Variants in WDR70 observed in about 807,000 individuals in gnomAD.
WDR70 encodes the protein WD repeat domain 70.
In WDR70, 53 loss-of-function variants were observed where a neutral mutation model predicts 88.6. The ratio of observed to expected loss-of-function variants is 0.60; its 90% confidence interval spans 0.48 to 0.75. The LOEUF (loss-of-function observed/expected upper bound fraction) is 0.75, where lower values mean the gene tolerates loss of function less well. WDR70 is among the 30% of genes least tolerant of loss of function. The probability of loss-of-function intolerance (pLI) is 0.00; values close to 1 mark genes in which losing one functional copy is unlikely to be tolerated. For missense variants in WDR70, 610 were observed against 823.2 expected (o/e 0.74, Z 3.17); for synonymous variants, 280 against 270.0 (o/e 1.04, Z -0.36).
intron 7 of WDR70, among the ~76,000 whole-genome samples, chr5:37,470,136 C>CAAAAACA (rs1554141689): frequency 8.6e-6 from 1 of 115,730 alleles, no homozygotes; most frequent in African/African-American, 2.5e-5. Context: ...AAAACAAAAA[C>CAAAAACA]AAAAAAAAAC....
chr5:37,457,516 C>T (rs1047696697), intron 7 of WDR70, among the ~76,000 whole-genome samples: 3 of 152,176 alleles, frequency 2.0e-5, no homozygotes, highest in Non-Finnish European at 4.4e-5. Context: ...TTGGCATTCT[C>T]TTCCAAATTA....
intron 10 of WDR70, among the ~76,000 whole-genome samples, chr5:37,695,559 G>A (rs1404357094): frequency 6.6e-6 from 1 of 152,156 alleles, no homozygotes; most frequent in African/African-American, 2.4e-5. Flanking sequence ...AAGCTCATTG[G>A]TTGTTGGCAG....
At chr5:37,389,209 C>T (rs1748729294) in intron 3 of WDR70, among the ~76,000 whole-genome samples, 1 of 151,054 alleles carries the variant, frequency 6.6e-6, no homozygotes, top group Non-Finnish European at 1.5e-5. Flanking sequence ...TCTCCTGCCT[C>T]AGTGTCCCGA....
intron 8 of WDR70, among the ~76,000 whole-genome samples, chr5:37,510,332 G>A (rs1314145552): frequency 6.6e-6 from 1 of 151,800 alleles, no homozygotes; most frequent in Non-Finnish European, 1.5e-5. Context: ...ATATATATAT[G>A]CATATGCATA....
intron 9 of WDR70, among the ~76,000 whole-genome samples, chr5:37,520,510 T>C (rs928059639): frequency 1.3e-5 from 2 of 152,064 alleles, no homozygotes; most frequent in Non-Finnish European, 2.9e-5. Flanking sequence ...ATAGTTAAGG[T>C]ATGTTTGTTT....
At chr5:37,688,644 T>A (rs547135569) in intron 10 of WDR70, among the ~76,000 whole-genome samples, 2 of 145,276 alleles carry the variant, frequency 1.4e-5, no homozygotes, top group East Asian at 2.1e-4. Context: ...TCGTTTGTCC[T>A]AGGAACAGAA....
intron 10 of WDR70, among the ~76,000 whole-genome samples, chr5:37,667,148 T>C (rs1489195691): frequency 6.6e-6 from 1 of 152,138 alleles, no homozygotes; most frequent in African/African-American, 2.4e-5. Context: ...AAATCTAAAA[T>C]AATGCAAAAA....
At chr5:37,736,117 G>T (rs908600067) in intron 17 of WDR70, among the ~76,000 whole-genome samples, 1 of 152,170 alleles carries the variant, frequency 6.6e-6, no homozygotes, top group South Asian at 2.1e-4. Context: ...AAAGGAGCTG[G>T]CTGGGGAATG....
chr5:37,460,703 T>TAAAAATA (rs1254082856), intron 7 of WDR70, among the ~76,000 whole-genome samples: 1 of 141,786 alleles, frequency 7.1e-6, no homozygotes, highest in African/African-American at 2.5e-5. Context: ...AAAAAAACAT[T>TAAAAATA]AAAAATAAAA....
intron 5 of WDR70, among the ~76,000 whole-genome samples, chr5:37,408,719 AT>A (rs965695386): frequency 2.0e-5 from 3 of 151,812 alleles, no homozygotes; most frequent in Admixed American, 6.6e-5. Flanking sequence ...TTTATTTTGA[AT>A]TTTTTTGGGT....
intron 10 of WDR70, among the ~76,000 whole-genome samples, chr5:37,679,734 G>T (rs904506803): frequency 6.6e-6 from 1 of 152,198 alleles, no homozygotes; most frequent in African/African-American, 2.4e-5. Flanking sequence ...CTCCAGCTGC[G>T]TGCTGGGAGA....
intron 6 of WDR70, among the ~76,000 whole-genome samples, chr5:37,439,602 C>A (rs543431162): frequency 1.4e-5 from 2 of 145,658 alleles, no homozygotes; most frequent in Non-Finnish European, 1.5e-5. Flanking sequence ...ATTAGAGTGT[C>A]TAATTATACT....
At chr5:37,699,382 TGTATGTGTGTATATATATATACACAC>T (rs1747079711) in intron 11 of WDR70, among the ~76,000 whole-genome samples, 2 of 95,314 alleles carry the variant, frequency 2.1e-5, no homozygotes, top group Non-Finnish European at 4.1e-5. Context: ...TGTATATATA[TGTATGTGTGTATATATATATACACAC>T]ACACACACAC....
chr5:37,664,150 C>T (rs1745774808), intron 10 of WDR70, among the ~76,000 whole-genome samples: 1 of 152,170 alleles, frequency 6.6e-6, no homozygotes, highest in Non-Finnish European at 1.5e-5. Context: ...TGTTTCTTGA[C>T]TCATCCTCCC....
chr5:37,385,253 C>T (rs1748572085), intron 3 of WDR70, among the ~76,000 whole-genome samples: 1 of 151,882 alleles, frequency 6.6e-6, no homozygotes, highest in African/African-American at 2.4e-5. Context: ...GGTGCAGTGG[C>T]TCACACCTAT....
intron 9 of WDR70, among the ~76,000 whole-genome samples, chr5:37,536,219 G>C (rs753437239): frequency 6.6e-6 from 1 of 152,134 alleles, no homozygotes; most frequent in Non-Finnish European, 1.5e-5. Context: ...TTTTAGATAA[G>C]ATATATGTAT....
Position 37,488,551 on chromosome 5 carries a change from A to C in WDR70, c.840+8564A>C, listed in dbSNP as rs562440858. Among the ~76,000 whole-genome samples the C allele has an allele frequency of 4.9e-5, 7 of 143,136 alleles. No homozygotes were observed. In the East Asian group the frequency reaches 1.2e-3, roughly 25 times the overall value. The allele number at this position is 143,136 out of a possible 152,430, so 93.9% of individuals were successfully genotyped here. On this transcript the variant is annotated intron_variant, in intron 8 of 17. Transcript: ENST00000265107. ...GACTGTTTGGAAAGACCTGTCTTCA[A>C]GTTCTGAAATTCTTTCTTGTGCTTG...
intron 10 of WDR70, among the ~76,000 whole-genome samples, chr5:37,686,178 A>G (rs373915556): frequency 7.7e-3 from 33 of 4,292 alleles, no homozygotes; most frequent in African/African-American, 0.01. Flanking sequence ...CCAGCCAGGC[A>G]TGGTGGCTTG....
chr5:37,732,162 AC>A (rs1748162745), intron 17 of WDR70, among the ~76,000 whole-genome samples: 1 of 152,126 alleles, frequency 6.6e-6, no homozygotes, highest in African/African-American at 2.4e-5. Context: ...CCTTCATTCT[AC>A]TGCTTAGAGA....
Sources: allele counts gnomAD v4.1 joint callset (sites outside exome capture counted in the v4.1 genomes callset), GRCh38; gene constraint gnomAD v4.1.1; transcripts MANE v1.5; gene names NCBI Gene and HGNC (gene_info 2026-07-23, HGNC 2026-07-21).